PPP2R5E: variants seen among roughly 807,000 people sequenced by gnomAD.
PPP2R5E encodes the protein serine/threonine-protein phosphatase 2A 56 kDa regulatory subunit epsilon isoform.
A neutral mutation model predicts 65.3 loss-of-function variants in PPP2R5E; 4 were observed. The ratio of observed to expected loss-of-function variants is 0.06; its 90% CI spans 0.03 to 0.14. PPP2R5E has a LOEUF of 0.14. PPP2R5E is among the 10% of genes least tolerant of loss of function. The pLI is 1.00. For synonymous variants in PPP2R5E, 183 were observed against 187.4 expected (o/e 0.98, Z 0.19); for missense variants, 274 against 556.1 (o/e 0.49, Z 5.10).
intron 2 of PPP2R5E, among the ~76,000 whole-genome samples, chr14:63,466,490 G>A (rs1889808238): frequency 1.3e-5 from 2 of 152,116 alleles, no homozygotes; most frequent in South Asian, 4.1e-4. Flanking sequence ...TCCAGGGATG[G>A]CATGTAGTAC....
intron 2 of PPP2R5E, among the ~76,000 whole-genome samples, chr14:63,509,384 G>A (rs187808378): frequency 9.0e-5 from 13 of 144,922 alleles, no homozygotes; most frequent in African/African-American, 2.6e-4. Flanking sequence ...AGCGATTCTC[G>A]TGCCTTGGCC....
At chr14:63,398,078 C>T (rs1399839296) in intron 5 of PPP2R5E, among the ~76,000 whole-genome samples, 3 of 152,162 alleles carry the variant, frequency 2.0e-5, no homozygotes, top group Non-Finnish European at 4.4e-5. Flanking sequence ...AAGTTAATAA[C>T]CAAATCCTGA....
chr14:63,490,681 C>T (rs192639937), intron 2 of PPP2R5E, among the ~76,000 whole-genome samples: 30 of 152,020 alleles, frequency 2.0e-4, no homozygotes, highest in Admixed American at 5.2e-4. Context: ...AAAATCACAA[C>T]GAGATACCAT....
chr14:63,384,422 A>G, intron 12 of PPP2R5E, 22 bp downstream of exon 12: 1 of 1,605,478 alleles, frequency 6.2e-7, no homozygotes, highest in Non-Finnish European at 8.5e-7. Flanking sequence ...AAGAGAACGG[A>G]GGAAAGAAAC....
At chr14:63,436,785 G>T (rs946279985) in intron 3 of PPP2R5E, among the ~76,000 whole-genome samples, 1 of 152,140 alleles carries the variant, frequency 6.6e-6, no homozygotes, top group African/African-American at 2.4e-5. Flanking sequence ...CACCAACCCT[G>T]TAAGCTTACA....
chr14:63,458,295 T>G (rs1197650579), intron 2 of PPP2R5E, among the ~76,000 whole-genome samples: 1 of 152,232 alleles, frequency 6.6e-6, no homozygotes, highest in Non-Finnish European at 1.5e-5. Flanking sequence ...CAGAAGTAGC[T>G]CATTCTTCCC....
chr14:63,406,594 T>C (rs1886108539), intron 5 of PPP2R5E, among the ~76,000 whole-genome samples: 1 of 152,172 alleles, frequency 6.6e-6, no homozygotes, highest in Admixed American at 6.5e-5. Flanking sequence ...TCGCCACAGT[T>C]TCCATCACTC....
chr14:63,384,270 T>G (rs1317816379), intron 12 of PPP2R5E, among the ~76,000 whole-genome samples, 174 bp downstream of exon 12: 3 of 152,214 alleles, frequency 2.0e-5, no homozygotes, highest in African/African-American at 7.2e-5. Flanking sequence ...TTAACCGGTA[T>G]TTTGTTAAAG....
rs896742993 is a variant in PPP2R5E, at chr14:63,391,965, G to A, written c.903+7C>T. ...TAAGTTTTTGAAATTATGGAAAAAA[G>A]ACTTACTGGTTCTGTGAGTGAAGGA... is the stretch of plus-strand genomic sequence containing the variant. On this transcript the variant is annotated splice_region_variant and intron_variant, in intron 9 of 13. Coordinates refer to ENST00000337537, the MANE Select transcript of PPP2R5E (RefSeq NM_006246.5). 20 of 1,610,046 alleles carry A rather than the reference G, an allele frequency of 1.2e-5. No homozygotes were observed. Among genetic ancestry groups the A allele is most frequent in the African/African-American group, 2.7e-5 (2 of 74,700 alleles).
At chr14:63,477,758 A>G (rs1341833060) in intron 2 of PPP2R5E, among the ~76,000 whole-genome samples, 1 of 152,064 alleles carries the variant, frequency 6.6e-6, no homozygotes, top group Non-Finnish European at 1.5e-5. Context: ...AGCTCTTAAT[A>G]AAAATGTACA....
chr14:63,531,288 C>T (rs117122146), intron 2 of PPP2R5E, among the ~76,000 whole-genome samples: 6,315 of 151,992 alleles, frequency 0.042, 195 homozygotes, highest in Middle Eastern at 0.071. Context: ...TCCCCCATCC[C>T]CCCGACCCCA....
intron 3 of PPP2R5E, among the ~76,000 whole-genome samples, chr14:63,423,428 G>A (rs1435149731): frequency 6.6e-6 from 1 of 152,114 alleles, no homozygotes; most frequent in African/African-American, 2.4e-5. Flanking sequence ...AAATGTTTAT[G>A]TTTTAAATGT....
intron 5 of PPP2R5E, among the ~76,000 whole-genome samples, chr14:63,399,958 C>A (rs190925496): frequency 1.3e-5 from 2 of 151,958 alleles, no homozygotes; most frequent in African/African-American, 4.8e-5. Flanking sequence ...TGCTTTTGTT[C>A]GGTGTTTTAA....
At chr14:63,447,251 T>C (rs925823707) in intron 3 of PPP2R5E, among the ~76,000 whole-genome samples, 1 of 152,266 alleles carries the variant, frequency 6.6e-6, no homozygotes, top group Non-Finnish European at 1.5e-5. Context: ...AATAGATGGT[T>C]GTTTCATCCA....
At position 63,466,585 on chromosome 14, in the gene PPP2R5E, A is replaced by G. The variant is rs954127343; in HGVS notation, c.158-12700T>C. ...TACTACTTAATTAATATAGTTAAAT[A>G]CAAATGTAAGTCCACATAGAACAGT... is the stretch of plus-strand genomic sequence containing the variant. On this transcript the variant is annotated intron_variant, in intron 2 of 13. Coordinates refer to ENST00000337537, the MANE Select transcript of PPP2R5E (RefSeq NM_006246.5). 6.6e-5 allele frequency among the ~76,000 whole-genome samples: 10 copies of G among 152,252 alleles called. 1 individual carries two copies. The highest frequency in any genetic ancestry group is 5.9e-4 in the Admixed American group (9 of 15,290).
intron 2 of PPP2R5E, among the ~76,000 whole-genome samples, chr14:63,512,381 C>A (rs1892501029): frequency 1.3e-5 from 2 of 152,172 alleles, no homozygotes; most frequent in Admixed American, 6.5e-5. Flanking sequence ...ATACATACCA[C>A]AAATAATACT....
At chr14:63,502,621 C>T (rs1222296283) in intron 2 of PPP2R5E, among the ~76,000 whole-genome samples, 2 of 152,010 alleles carry the variant, frequency 1.3e-5, no homozygotes, top group Non-Finnish European at 1.5e-5. Flanking sequence ...GAGCTGAGAT[C>T]ATGCCACTGC....
intron 2 of PPP2R5E, among the ~76,000 whole-genome samples, chr14:63,458,557 G>T (rs1365466651): frequency 6.6e-6 from 1 of 152,150 alleles, no homozygotes; most frequent in Non-Finnish European, 1.5e-5. Context: ...GTAAATAAAG[G>T]AGGCCTACAT....
intron 5 of PPP2R5E, among the ~76,000 whole-genome samples, chr14:63,413,008 C>T (rs1886486478): frequency 6.6e-6 from 1 of 152,072 alleles, no homozygotes; most frequent in Non-Finnish European, 1.5e-5. Flanking sequence ...AGAGGTTCAA[C>T]ATAAAAAAAG....
Sources: gnomAD v4.1 joint callset for allele counts (sites outside exome capture counted in the v4.1 genomes callset) on GRCh38, gnomAD v4.1.1 for gene constraint, MANE v1.5 for transcripts, NCBI Gene and HGNC (gene_info 2026-07-23, HGNC 2026-07-21) for gene names.